Variants in SAMD12 observed in about 807,000 individuals in gnomAD.
SAMD12 encodes the protein sterile alpha motif domain-containing protein 12.
Under a neutral mutation model 15.0 loss-of-function variants are expected in SAMD12, and 9 were observed. That is an observed-to-expected ratio of 0.60 (90% confidence interval 0.36 to 1.05). The LOEUF (loss-of-function observed/expected upper bound fraction) is 1.05, where lower values mean the gene tolerates loss of function less well. Among genes scored for constraint, SAMD12 ranks in the 50% least tolerant of loss-of-function variants. SAMD12 has a pLI of 0.01. For missense variants in SAMD12, 230 were observed against 234.2 expected (o/e 0.98, Z 0.12); for synonymous variants, 86 against 90.1 (o/e 0.96, Z 0.25).
chr8:118,544,679 A>C (rs1476394399), intron 2 of SAMD12, among the ~76,000 whole-genome samples: 1 of 152,230 alleles, frequency 6.6e-6, no homozygotes, highest in Non-Finnish European at 1.5e-5. Context: ...CCATGCAAGC[A>C]GAGGTGTCTG....
chr8:118,503,378 T>C (rs1015267544), intron 2 of SAMD12, among the ~76,000 whole-genome samples: 1 of 152,170 alleles, frequency 6.6e-6, no homozygotes, highest in African/African-American at 2.4e-5. Flanking sequence ...GGCAGGTCCT[T>C]TAATGGAAAG....
chr8:118,138,898 A>C, the SAMD12 span, among the ~76,000 whole-genome samples: 38 of 152,208 alleles, frequency 2.5e-4, no homozygotes, highest in Non-Finnish European at 4.6e-4. Context: ...TTTGATGAGC[A>C]TGTGCATCAG....
chr8:118,308,385 G>A (rs1815451854), intron 4 of SAMD12, among the ~76,000 whole-genome samples: 1 of 152,132 alleles, frequency 6.6e-6, no homozygotes, highest in African/African-American at 2.4e-5. Flanking sequence ...GTGTTGTGCT[G>A]AGAACTTTAC....
intron 4 of SAMD12, among the ~76,000 whole-genome samples, chr8:118,287,194 G>A (rs542315277): frequency 5.4e-5 from 8 of 147,134 alleles, no homozygotes; most frequent in South Asian, 2.1e-4. Context: ...GCTCTATCTC[G>A]GCTCACTGCA....
intron 3 of SAMD12, among the ~76,000 whole-genome samples, chr8:118,390,474 C>A (rs2130751408): frequency 6.6e-6 from 1 of 152,264 alleles, no homozygotes; most frequent in South Asian, 2.1e-4. Flanking sequence ...CAACCAAGAC[C>A]AAGTCTGAGC....
intron 2 of SAMD12, among the ~76,000 whole-genome samples, chr8:118,496,322 A>G (rs1463105120): frequency 6.6e-6 from 1 of 152,230 alleles, no homozygotes; most frequent in Non-Finnish European, 1.5e-5. Context: ...TTCAAACTAT[A>G]CTACAAGGCT....
intron 4 of SAMD12, among the ~76,000 whole-genome samples, chr8:118,197,911 AT>A (rs534565223): frequency 7.9e-5 from 12 of 152,116 alleles, no homozygotes; most frequent in South Asian, 2.1e-4. Flanking sequence ...TATTCATGAA[AT>A]TTTTTTTTCT....
chr8:118,314,777 T>C (rs898847276), intron 4 of SAMD12, among the ~76,000 whole-genome samples: 2 of 152,190 alleles, frequency 1.3e-5, no homozygotes, highest in African/African-American at 2.4e-5. Context: ...TGTACCACTG[T>C]ACATCCTTAC....
chr8:118,460,223 T>G (rs1295732310), intron 2 of SAMD12, among the ~76,000 whole-genome samples: 1 of 152,252 alleles, frequency 6.6e-6, no homozygotes, highest in Non-Finnish European at 1.5e-5. Flanking sequence ...AATTGTCATG[T>G]CCTATAATCA....
At chr8:118,303,545 GA>G (rs763660799) in intron 4 of SAMD12, among the ~76,000 whole-genome samples, 9 of 152,192 alleles carry the variant, frequency 5.9e-5, no homozygotes, top group African/African-American at 2.2e-4. Flanking sequence ...TGACAAAAGA[GA>G]AAGAGGAAAC....
At chr8:118,580,578 C>T (rs558189335) in intron 2 of SAMD12, 137 bp downstream of exon 2, 680 of 606,936 alleles carry the variant, frequency 1.1e-3, no homozygotes, top group Non-Finnish European at 1.7e-3. Flanking sequence ...ATTATTTATC[C>T]GCAAGATACA....
the SAMD12 span, among the ~76,000 whole-genome samples, chr8:118,148,837 C>T: frequency 6.6e-6 from 1 of 152,150 alleles, no homozygotes; most frequent in Non-Finnish European, 1.5e-5. Context: ...TTGAGCTTTA[C>T]CCATGTTACA....
chr8:118,466,522 T>C (rs1823598919), intron 2 of SAMD12, among the ~76,000 whole-genome samples: 2 of 152,326 alleles, frequency 1.3e-5, no homozygotes, highest in Middle Eastern at 3.4e-3. Context: ...CAGCCTATAG[T>C]AGGCATACCA....
intron 2 of SAMD12, among the ~76,000 whole-genome samples, chr8:118,557,493 GA>G (rs1378880386): frequency 6.6e-6 from 1 of 152,080 alleles, no homozygotes; most frequent in Non-Finnish European, 1.5e-5. Context: ...CTTTTATAAA[GA>G]AAAAGAGCAT....
chr8:118,430,878 A>G (rs1822381890), intron 3 of SAMD12, among the ~76,000 whole-genome samples: 1 of 152,148 alleles, frequency 6.6e-6, no homozygotes, highest in Admixed American at 6.5e-5. Flanking sequence ...TAGTGTGTTA[A>G]GACTATTCAC....
At chr8:118,588,518 A>G (rs946398605) in intron 1 of SAMD12, among the ~76,000 whole-genome samples, 5 of 152,236 alleles carry the variant, frequency 3.3e-5, no homozygotes, top group African/African-American at 4.8e-5. Context: ...CAATGTCCAT[A>G]AAGTGTTACT....
chr8:118,165,500 C>A, the SAMD12 span, among the ~76,000 whole-genome samples: 10 of 151,126 alleles, frequency 6.6e-5, no homozygotes, highest in Admixed American at 6.7e-4. Flanking sequence ...AAGTTATCCA[C>A]CTGCCTTGGC....
chr8:118,463,908 A>C (rs1047010896), intron 2 of SAMD12, among the ~76,000 whole-genome samples: 2 of 152,132 alleles, frequency 1.3e-5, no homozygotes, highest in African/African-American at 4.8e-5. Flanking sequence ...CTGGAATTAT[A>C]GGGCCTTAAT....
the SAMD12 span, among the ~76,000 whole-genome samples, chr8:118,134,062 T>C: frequency 3.3e-5 from 5 of 152,248 alleles, no homozygotes; most frequent in Non-Finnish European, 5.9e-5. Context: ...TGGTTGGTAC[T>C]GAGGTTACTA....
Sources: allele counts gnomAD v4.1 joint callset (sites outside exome capture counted in the v4.1 genomes callset), GRCh38; gene constraint gnomAD v4.1.1; transcripts MANE v1.5; gene names NCBI Gene and HGNC (gene_info 2026-07-23, HGNC 2026-07-21).